IPO7: variants seen among roughly 807,000 people sequenced by gnomAD.
IPO7 encodes the protein importin 7, also known as importin-7.
In IPO7, 13 loss-of-function variants were observed where a neutral mutation model predicts 136.4. The ratio of observed to expected loss-of-function variants is 0.10; its 90% CI spans 0.06 to 0.15. The LOEUF (loss-of-function observed/expected upper bound fraction) is 0.15, where lower values mean the gene tolerates loss of function less well. IPO7 is among the 10% of genes least tolerant of loss of function. IPO7 has a pLI of 1.00. For missense variants in IPO7, 857 were observed against 1,240.6 expected, an observed-to-expected ratio of 0.69 and a Z score of 4.65; for synonymous variants, 403 against 404.4, an observed-to-expected ratio of 1.00 and a Z score of 0.04.
Position 9,413,614 on chromosome 11 carries a change from T to G in IPO7, c.480-641T>G, listed in dbSNP as rs554005671. Among the ~76,000 whole-genome samples the G allele has an allele frequency of 3.4e-3, 514 of 151,522 alleles. 5 individuals carry two copies. The highest frequency in any genetic ancestry group is 0.011 in the African/African-American group (457 of 41,072). Reference sequence around the variant, plus strand: ...TGTAATACTGAGAAAGATAGTTAATTTCTGTGCCTCAGTTTCCTGAACTAT... The same window carrying G: ...TGTAATACTGAGAAAGATAGTTAATGTCTGTGCCTCAGTTTCCTGAACTAT... On this transcript the variant is annotated intron_variant, in intron 4 of 24. Coordinates refer to ENST00000379719, the MANE Select transcript of IPO7 (RefSeq NM_006391.3).
intron 2 of IPO7, among the ~76,000 whole-genome samples, chr11:9,407,690 A>G (rs752008429): frequency 3.9e-5 from 6 of 152,238 alleles, no homozygotes; most frequent in Admixed American, 6.5e-5. Context: ...TCCTTGTTCA[A>G]ATAAGTACAG....
Position 9,438,287 on chromosome 11 carries a change from T to G in IPO7, c.2695+2T>G. ...AAGCTGAAGATGATGATGAAACCGG[T>G]AAGGGATTTTCAATGGAAGAAGACA... On this transcript the variant is annotated splice_donor_variant, in intron 22 of 24. Coordinates refer to ENST00000379719, the MANE Select transcript of IPO7 (RefSeq NM_006391.3). LOFTEE classifies it high-confidence loss of function. 1.9e-4 allele frequency: 266 copies of G among 1,401,158 alleles called. No homozygotes were observed. The highest frequency in any genetic ancestry group is 2.4e-4 in the Non-Finnish European group (235 of 990,618). The allele number at this position is 1,401,158 out of a possible 1,614,324, so 86.8% of individuals were successfully genotyped here. A position where few individuals can be genotyped will look rare whatever the true frequency, so the allele number is the denominator to read the frequency against.
chr11:9,439,274 C>T (rs1855427558), intron 22 of IPO7, among the ~76,000 whole-genome samples: 1 of 152,086 alleles, frequency 6.6e-6, no homozygotes, highest in Non-Finnish European at 1.5e-5. Flanking sequence ...TGCCACCATG[C>T]CCAGCTTATT....
Position 9,433,606 on chromosome 11 carries a change from A to T in IPO7, c.1918A>T (p.Ile640Phe), listed in dbSNP as rs951297844. ...QQLEGICLQV[I>F]GTVLQQHVLE... ...GCTTGAGGGAATCTGCTTACAGGTCATTGGTACTGTTTTACAACAGCATGT... is the reference window on the plus strand; with the variant it reads ...GCTTGAGGGAATCTGCTTACAGGTCTTTGGTACTGTTTTACAACAGCATGT... Residue 640 changes from isoleucine (I) to phenylalanine (F), a missense_variant, in exon 17 of 25, where the codon ATT (isoleucine) becomes TTT (phenylalanine). Coordinates refer to ENST00000379719, the MANE Select transcript of IPO7 (RefSeq NM_006391.3). 1 of 1,612,524 alleles carries T rather than the reference A, an allele frequency of 6.2e-7. No individual in the cohort carries two copies. Among genetic ancestry groups the T allele is most frequent in the African/African-American group, 1.3e-5 (1 of 74,870 alleles).
At chr11:9,407,321 C>T (rs902328277) in intron 2 of IPO7, among the ~76,000 whole-genome samples, 1 of 152,090 alleles carries the variant, frequency 6.6e-6, no homozygotes, top group Admixed American at 6.6e-5. Context: ...TTTGGGAGGC[C>T]GAAGTGGGTG....
intron 10 of IPO7, 136 bp downstream of exon 10, chr11:9,424,012 T>TG: frequency 1.9e-6 from 1 of 517,430 alleles, no homozygotes; most frequent in Non-Finnish European, 3.4e-6. Context: ...TAGTCCTTTT[T>TG]GGGGCTATTT....
At chr11:9,432,687 C>G (rs191732287) in intron 16 of IPO7, among the ~76,000 whole-genome samples, 1 of 152,202 alleles carries the variant, frequency 6.6e-6, no homozygotes, top group Admixed American at 6.5e-5. Context: ...TTATTTTACC[C>G]TTCCTCCCCT....
intron 4 of IPO7, among the ~76,000 whole-genome samples, chr11:9,413,562 C>T (rs987199250): frequency 2.6e-5 from 4 of 151,952 alleles, no homozygotes; most frequent in Non-Finnish European, 1.5e-5. Context: ...ATAACCTATT[C>T]CAGTTGCCTA....
intron 3 of IPO7, among the ~76,000 whole-genome samples, chr11:9,409,396 A>G (rs890416230): frequency 6.6e-6 from 1 of 152,192 alleles, no homozygotes; most frequent in African/African-American, 2.4e-5. Context: ...GGTGTGAGCC[A>G]CCATGCCTGG....
At chr11:9,405,385 A>C (rs1854867873) in intron 2 of IPO7, among the ~76,000 whole-genome samples, 1 of 152,096 alleles carries the variant, frequency 6.6e-6, no homozygotes, top group Non-Finnish European at 1.5e-5. Flanking sequence ...CGTGTTAGCC[A>C]GGATGGTCTC....
At chr11:9,423,530 A>G (rs555504534) in intron 9 of IPO7, among the ~76,000 whole-genome samples, 2 of 152,320 alleles carry the variant, frequency 1.3e-5, no homozygotes. Flanking sequence ...AGAATTTTAT[A>G]GACTATATAT....
chr11:9,400,803 A>G (rs1021121487), intron 1 of IPO7, among the ~76,000 whole-genome samples: 8 of 152,192 alleles, frequency 5.3e-5, no homozygotes, highest in Non-Finnish European at 1.0e-4. Context: ...TTCAATGGAA[A>G]ATTATATTCA....
At chr11:9,405,490 T>C (rs759489915) in intron 2 of IPO7, among the ~76,000 whole-genome samples, 7 of 152,050 alleles carry the variant, frequency 4.6e-5, no homozygotes, top group Non-Finnish European at 8.8e-5. Flanking sequence ...TAGCCTCATC[T>C]TGACTCACTG....
chr11:9,438,019 C>T, intron 21 of IPO7, 45 bp downstream of exon 21: 1 of 1,481,374 alleles, frequency 6.8e-7, no homozygotes. Flanking sequence ...TTGGGAGGAA[C>T]TCTGCTTATT....
At chr11:9,394,137 A>G (rs939407310) in intron 1 of IPO7, among the ~76,000 whole-genome samples, 3 of 152,278 alleles carry the variant, frequency 2.0e-5, no homozygotes, top group Middle Eastern at 3.4e-3. Context: ...TCGGCCTCCC[A>G]AAGTGCTGGG....
chr11:9,423,048 A>C lies in IPO7; in HGVS notation c.949A>C (p.Met317Leu). Residue 317 changes from methionine (M) to leucine (L), a missense_variant, in exon 9 of 25, where the codon ATG becomes CTG. Transcript: ENST00000379719. ...VLYQYKEKQY[M>L]APRVLQQTLN... is the part of the protein sequence containing the mutation. ...ATATCAGTACAAGGAGAAGCAATAT[A>C]TGGCTCCTCGAGTTTTACAACAGAC... 6.2e-7 allele frequency: 1 copy of C among 1,604,966 alleles called. No individual in the cohort carries two copies. The highest frequency in any genetic ancestry group is 8.5e-7 in the Non-Finnish European group (1 of 1,173,958).
At chr11:9,407,879 G>A (rs1460336435) in intron 2 of IPO7, among the ~76,000 whole-genome samples, 1 of 152,136 alleles carries the variant, frequency 6.6e-6, no homozygotes, top group Admixed American at 6.6e-5. Context: ...CACTTCATCA[G>A]TTTGTTAACT....
chr11:9,397,835 TTC>T (rs1368956392), intron 1 of IPO7, among the ~76,000 whole-genome samples: 1 of 152,100 alleles, frequency 6.6e-6, no homozygotes, highest in Admixed American at 6.6e-5. Context: ...CTAAGATATT[TTC>T]TGTGTTGTTT....
chr11:9,401,296 A>G (rs1204983913), intron 1 of IPO7, among the ~76,000 whole-genome samples: 1 of 152,168 alleles, frequency 6.6e-6, no homozygotes, highest in Admixed American at 6.6e-5. Context: ...TATTGGGACA[A>G]AGGAGAATGA....
Sources: allele counts gnomAD v4.1 joint callset (sites outside exome capture counted in the v4.1 genomes callset), GRCh38; gene constraint gnomAD v4.1.1; transcripts MANE v1.5; gene names NCBI Gene and HGNC (gene_info 2026-07-23, HGNC 2026-07-21).